Variants in NUP107 observed in about 807,000 individuals in gnomAD.
NUP107 encodes the protein nuclear pore complex protein Nup107.
NUP107 carries 101 observed loss-of-function variants against 141.0 expected under a neutral mutation model. That is an observed-to-expected ratio of 0.72 (90% confidence interval 0.61 to 0.84). The LOEUF (loss-of-function observed/expected upper bound fraction) is 0.84. NUP107 is among the 40% of genes least tolerant of loss of function. The probability of loss-of-function intolerance (pLI) is 0.00; values close to 1 mark genes in which losing one functional copy is unlikely to be tolerated. For missense variants in NUP107, 941 were observed against 1,102.7 expected (o/e 0.85, Z 2.08); for synonymous variants, 319 against 363.9 (o/e 0.88, Z 1.41).
intron 26 of NUP107, among the ~76,000 whole-genome samples, chr12:68,737,393 C>CGTT (rs1878121122): frequency 6.6e-6 from 1 of 151,678 alleles, no homozygotes; most frequent in South Asian, 2.1e-4. Context: ...GGGGAAACCC[C>CGTT]GTTTCTACTA....
intron 5 of NUP107, among the ~76,000 whole-genome samples, chr12:68,692,696 C>T (rs973643327): frequency 1.8e-4 from 27 of 151,974 alleles, no homozygotes; most frequent in Non-Finnish European, 3.7e-4. Context: ...AATTCTGCAG[C>T]CTCAGCCTCC....
chr12:68,721,705 CATA>C lies in NUP107; in HGVS notation c.1312-133_1312-131del, dbSNP rs1877356526. 9.8e-6 allele frequency: 8 copies of C among 815,096 alleles called. No homozygotes were observed. In the East Asian group the frequency reaches 2.1e-4, roughly 21 times the overall value. 50.5% of individuals were successfully genotyped at this position (815,096 alleles called of 1,614,324 possible). ...AGTTGGCGGAGGAAAGGTTATTTGGCATAATTTTTTTAAAATCTGCCGTGTTTT... is the reference window on the plus strand; with the variant it reads ...AGTTGGCGGAGGAAAGGTTATTTGGCATTTTTTTAAAATCTGCCGTGTTTT... On this transcript the variant is annotated intron_variant, in intron 15 of 27. Coordinates refer to ENST00000229179, the MANE Select transcript of NUP107 (RefSeq NM_020401.4).
chr12:68,706,005 G>C, intron 8 of NUP107: 2 of 884,796 alleles, frequency 2.3e-6, no homozygotes, highest in African/African-American at 1.6e-5. Flanking sequence ...CCAAGTGGAG[G>C]CCCCTGCAGC....
intron 7 of NUP107, 97 bp from the exon 8 acceptor site, chr12:68,702,636 AAAG>A (rs1205620810): frequency 1.3e-6 from 1 of 782,456 alleles, no homozygotes; most frequent in Non-Finnish European, 2.1e-6. Flanking sequence ...AAATTTTTAA[AAAG>A]AAGTTAGCCA....
chr12:68,732,930 A>G (rs1176170370), intron 23 of NUP107, 191 bp downstream of exon 23: 1 of 405,516 alleles, frequency 2.5e-6, no homozygotes, highest in African/African-American at 2.1e-5. Flanking sequence ...CAATCCTCCC[A>G]CCTCAGCCTC....
intron 17 of NUP107, among the ~76,000 whole-genome samples, chr12:68,724,730 G>A (rs944840378): frequency 2.0e-5 from 3 of 152,056 alleles, no homozygotes; most frequent in Non-Finnish European, 4.4e-5. Context: ...GCAGTGAGCC[G>A]TGATTGTACC....
At chr12:68,727,523 G>GATAA in intron 20 of NUP107, 134 bp downstream of exon 20, 1 of 530,962 alleles carries the variant, frequency 1.9e-6, no homozygotes, top group Non-Finnish European at 3.5e-6. Context: ...TATCAGCACA[G>GATAA]TTGACCTTTG....
At chr12:68,735,157 C>T (rs921399574) in intron 25 of NUP107, 74 bp from the exon 26 acceptor site, 23 of 998,270 alleles carry the variant, frequency 2.3e-5, no homozygotes, top group Non-Finnish European at 3.5e-5. Context: ...TATGTATGTT[C>T]CTGTCTGTAT....
At position 68,710,112 on chromosome 12, in the gene NUP107, A is replaced by G. The variant is rs1410387141; in HGVS notation, c.890+19A>G. ...TATATTGGTAAGTTACCAAACTTTA[A>G]TTCTTAAGGTCACTCAATGTTGATA... On this transcript the variant is annotated intron_variant, in intron 10 of 27. Coordinates refer to ENST00000229179, the MANE Select transcript of NUP107 (RefSeq NM_020401.4). 1 of 1,203,000 alleles carries G rather than the reference A, an allele frequency of 8.3e-7. No homozygotes were observed. Among genetic ancestry groups the G allele is most frequent in the East Asian group, 2.3e-5 (1 of 42,576 alleles). The allele number at this position is 1,203,000 out of a possible 1,614,324, so 74.5% of individuals were successfully genotyped here.
At chr12:68,715,459 A>T (rs1220789781) in intron 11 of NUP107, among the ~76,000 whole-genome samples, 168 bp from the exon 12 acceptor site, 1 of 152,144 alleles carries the variant, frequency 6.6e-6, no homozygotes, top group Admixed American at 6.6e-5. Flanking sequence ...GCGCCACTGC[A>T]CTCCAGCCTG....
At chr12:68,709,422 T>C in intron 9 of NUP107, 113 bp downstream of exon 9, 5 of 583,734 alleles carry the variant, frequency 8.6e-6, no homozygotes, top group Non-Finnish European at 1.2e-5. Context: ...TTTTTTCTAC[T>C]TGATCTTTTT....
At chr12:68,696,554 A>G (rs770181582) in intron 5 of NUP107, among the ~76,000 whole-genome samples, 6 of 151,460 alleles carry the variant, frequency 4.0e-5, no homozygotes, top group Admixed American at 1.3e-4. Flanking sequence ...CTCTACTAAA[A>G]ATACAAAAAT....
chr12:68,724,563 G>A (rs910042725), intron 17 of NUP107, among the ~76,000 whole-genome samples: 2 of 152,036 alleles, frequency 1.3e-5, no homozygotes, highest in African/African-American at 2.4e-5. Context: ...GATCACTTGA[G>A]CTCAGGAGTT....
intron 11 of NUP107, 92 bp downstream of exon 11, chr12:68,713,900 C>A: frequency 2.1e-6 from 2 of 975,372 alleles, no homozygotes; most frequent in African/African-American, 1.6e-5. Flanking sequence ...TTGTTTTGCT[C>A]TTCTAAAGGT....
At chr12:68,734,575 T>A in intron 24 of NUP107, 133 bp from the exon 25 acceptor site, 1 of 665,138 alleles carries the variant, frequency 1.5e-6, no homozygotes, top group Non-Finnish European at 2.5e-6. Flanking sequence ...GGGAAAAAAA[T>A]ATATATTGAA....
In NUP107 at chr12:68,689,081, T is replaced by C. The variant is rs765367110; in HGVS notation, c.100+28T>C. The C allele has an allele frequency of 2.0e-6, 3 of 1,532,614 alleles. No homozygotes were observed. The East Asian group carries it at 6.8e-5, about 35-fold the overall frequency. 94.9% of individuals were successfully genotyped at this position (1,532,614 alleles called of 1,614,324 possible). A position where few individuals can be genotyped will look rare whatever the true frequency, so the allele number is the denominator to read the frequency against. On this transcript the variant is annotated intron_variant, in intron 2 of 27. Coordinates refer to ENST00000229179, the MANE Select transcript of NUP107 (RefSeq NM_020401.4). ...ATCCTTTGCGATTTAAGCATCATTA[T>C]AAAAATTGTAACATGTTTGGAATCA...
intron 26 of NUP107, among the ~76,000 whole-genome samples, chr12:68,736,717 CTTT>C (rs10713889): frequency 4.7e-5 from 5 of 105,880 alleles, no homozygotes; most frequent in South Asian, 3.3e-4. Flanking sequence ...GTGTCGCCAC[CTTT>C]TTTTTTTTTT....
rs201737306 is a variant in NUP107 at position 68,734,853 on chromosome 12, A to G, written c.2388+20A>G. ...TATGAAGTAAGTTAAATATGGATCT[A>G]GGATGTGCCTACTGCATCTTATAAA... On this transcript the variant is annotated intron_variant, in intron 25 of 27. Transcript: ENST00000229179. 494 of 1,606,292 alleles carry G rather than the reference A, an allele frequency of 3.1e-4. 1 individual carries two copies. The highest frequency in any genetic ancestry group is 1.2e-3 in the Middle Eastern group (7 of 6,016).
intron 26 of NUP107, among the ~76,000 whole-genome samples, chr12:68,738,547 C>G (rs1878176209): frequency 6.6e-6 from 1 of 152,168 alleles, no homozygotes; most frequent in South Asian, 2.1e-4. Context: ...GGCTAGATTT[C>G]AGCCCCACTT....
Sources: gnomAD v4.1 joint callset for allele counts (sites outside exome capture counted in the v4.1 genomes callset) on GRCh38, gnomAD v4.1.1 for gene constraint, MANE v1.5 for transcripts, NCBI Gene and HGNC (gene_info 2026-07-23, HGNC 2026-07-21) for gene names.